The following ADGRL3 variants were observed in gnomAD, a reference collection of about 807,000 sequenced individuals.
ADGRL3 encodes calcium-independent alpha-latrotoxin receptor 3.
Under a neutral mutation model 153.5 loss-of-function variants are expected in ADGRL3, and 62 were observed. That is an observed-to-expected ratio of 0.40 (90% CI 0.33 to 0.50). The LOEUF (loss-of-function observed/expected upper bound fraction) is 0.50. Among genes scored for constraint, ADGRL3 ranks in the 20% least tolerant of loss-of-function variants. The pLI is 0.47. For missense variants in ADGRL3, 1,641 were observed against 1,859.4 expected, an observed-to-expected ratio of 0.88 and a Z score of 2.16; for synonymous variants, 710 against 672.5, an observed-to-expected ratio of 1.06 and a Z score of -0.86.
chr4:62,032,593 T>C (rs1722728160), intron 23 of ADGRL3, among the ~76,000 whole-genome samples: 1 of 151,580 alleles, frequency 6.6e-6, no homozygotes, highest in Non-Finnish European at 1.5e-5. Context: ...AAATTATGTT[T>C]TAAAATTTGT....
intron 1 of ADGRL3, among the ~76,000 whole-genome samples, chr4:61,354,814 T>C (rs2096130356): frequency 6.6e-6 from 1 of 152,114 alleles, no homozygotes; most frequent in African/African-American, 2.4e-5. Flanking sequence ...CAAGTCTCTT[T>C]AAAAAGCTTC....
chr4:61,525,103 A>G (rs17090500), intron 4 of ADGRL3, among the ~76,000 whole-genome samples: 5,082 of 151,800 alleles, frequency 0.033, 290 homozygotes, highest in African/African-American at 0.12. Context: ...AGTCAACTCT[A>G]TGATTTGGTG....
intron 9 of ADGRL3, among the ~76,000 whole-genome samples, chr4:61,884,003 CT>C (rs2098523216): frequency 6.6e-6 from 1 of 152,052 alleles, no homozygotes; most frequent in Admixed American, 6.5e-5. Flanking sequence ...TCTTTGGTAG[CT>C]TTTTCCATAA....
In ADGRL3 at chr4:61,201,180, G is replaced by C. The variant is rs1026632531; in HGVS notation, c.-825G>C. The C allele has an allele frequency of 1.1e-3, 174 of 152,860 alleles. 2 individuals are homozygous for C. The highest frequency in any genetic ancestry group is 2.6e-4 in the Non-Finnish European group (18 of 68,226). 9.5% of individuals were successfully genotyped at this position (152,860 alleles called of 1,614,324 possible). ...TGGAAGAAGAAAAAGAAAGAGAAGG[G>C]GGGTGGGGTGGGAGAACTGGATATA... On this transcript the variant is annotated 5_prime_UTR_variant, in exon 1 of 27. Coordinates refer to ENST00000683033, the MANE Select transcript of ADGRL3 (RefSeq NM_001387552.1).
At chr4:61,585,720 T>A (rs145877472) in intron 4 of ADGRL3, among the ~76,000 whole-genome samples, 2,303 of 152,120 alleles carry the variant, frequency 0.015, 53 homozygotes, top group African/African-American at 0.052. Flanking sequence ...TGAGTTATCA[T>A]AACTTAACAT....
chr4:61,932,637 G>A (rs542763631), intron 13 of ADGRL3, among the ~76,000 whole-genome samples: 3 of 152,056 alleles, frequency 2.0e-5, no homozygotes, highest in Admixed American at 6.6e-5. Flanking sequence ...CAGTTTTCTC[G>A]TGGTGTCTAA....
At chr4:61,678,523 C>T (rs1416626667) in intron 6 of ADGRL3, among the ~76,000 whole-genome samples, 2 of 151,942 alleles carry the variant, frequency 1.3e-5, no homozygotes, top group Non-Finnish European at 2.9e-5. Context: ...ACTTAAATCA[C>T]TTTAATATAA....
At chr4:61,456,440 GATATATCTATATCTAT>G (rs2097753119) in intron 2 of ADGRL3, among the ~76,000 whole-genome samples, 7 of 97,846 alleles carry the variant, frequency 7.2e-5, no homozygotes, top group Admixed American at 2.5e-4. Flanking sequence ...TATATATATA[GATATATCTATATCTAT>G]ATATATAGAT....
intron 8 of ADGRL3, among the ~76,000 whole-genome samples, chr4:61,790,480 G>T (rs991312791): frequency 6.6e-6 from 1 of 151,858 alleles, no homozygotes; most frequent in African/African-American, 2.4e-5. Flanking sequence ...TTTAAATTAG[G>T]AACAGTAAAA....
chr4:61,951,036 G>A (rs920333418), intron 17 of ADGRL3, among the ~76,000 whole-genome samples: 3 of 152,084 alleles, frequency 2.0e-5, no homozygotes, highest in Non-Finnish European at 4.4e-5. Flanking sequence ...TGGCCATGAA[G>A]GGCATAATAT....
At chr4:61,444,559 A>G (rs1386201162) in intron 2 of ADGRL3, among the ~76,000 whole-genome samples, 2 of 151,932 alleles carry the variant, frequency 1.3e-5, no homozygotes, top group Admixed American at 6.6e-5. Context: ...TTTATCATCC[A>G]CTTAAAAAAA....
intron 4 of ADGRL3, among the ~76,000 whole-genome samples, chr4:61,547,391 T>C (rs1394950641): frequency 6.6e-6 from 1 of 151,976 alleles, no homozygotes; most frequent in African/African-American, 2.4e-5. Flanking sequence ...TAGTACCTGA[T>C]AGGTAGTTTT....
intron 9 of ADGRL3, among the ~76,000 whole-genome samples, chr4:61,888,525 T>C (rs2098552045): frequency 6.6e-6 from 1 of 152,236 alleles, no homozygotes; most frequent in South Asian, 2.1e-4. Flanking sequence ...ACAGCATGTC[T>C]ATCACTAGTA....
chr4:61,690,538 T>A (rs1302432562), intron 6 of ADGRL3, among the ~76,000 whole-genome samples: 1 of 152,058 alleles, frequency 6.6e-6, no homozygotes, highest in Admixed American at 6.6e-5. Context: ...ACATAACAGT[T>A]TTCCTATTAT....
chr4:61,851,728 A>G (rs1196131042), intron 9 of ADGRL3, among the ~76,000 whole-genome samples: 5 of 151,652 alleles, frequency 3.3e-5, no homozygotes, highest in Non-Finnish European at 5.9e-5. Context: ...GTTTCCTAAA[A>G]GTAGATTTTA....
chr4:61,341,249 A>T (rs1034194387), intron 1 of ADGRL3, among the ~76,000 whole-genome samples: 3 of 151,990 alleles, frequency 2.0e-5, no homozygotes, highest in Non-Finnish European at 4.4e-5. Flanking sequence ...GCTATATTTC[A>T]TATTTTCAAA....
At chr4:61,497,384 T>C (rs1383085294) in intron 3 of ADGRL3, 36 bp downstream of exon 3, 4 of 1,386,940 alleles carry the variant, frequency 2.9e-6, no homozygotes, top group Non-Finnish European at 4.0e-6. Context: ...ATGCTTAATG[T>C]TGTCTCACTT....
intron 5 of ADGRL3, among the ~76,000 whole-genome samples, chr4:61,638,661 T>G (rs1039626800): frequency 6.6e-6 from 1 of 152,136 alleles, no homozygotes; most frequent in African/African-American, 2.4e-5. Context: ...TGAGTTCCAG[T>G]TTACAAAATA....
At chr4:61,814,780 A>G (rs1047170746) in intron 9 of ADGRL3, among the ~76,000 whole-genome samples, 2 of 151,964 alleles carry the variant, frequency 1.3e-5, no homozygotes, top group East Asian at 3.9e-4. Context: ...GCCCTCCTCT[A>G]TATTAGTTTC....
Sources: gnomAD v4.1 joint callset for allele counts (sites outside exome capture counted in the v4.1 genomes callset) on GRCh38, gnomAD v4.1.1 for gene constraint, MANE v1.5 for transcripts, NCBI Gene and HGNC (gene_info 2026-07-23, HGNC 2026-07-21) for gene names.